Variants in KCNC2 observed in about 807,000 individuals in gnomAD.
The protein encoded by KCNC2 is voltage-gated potassium channel KCNC2.
Under a neutral mutation model 44.5 loss-of-function variants are expected in KCNC2, and 21 were observed. The ratio of observed to expected loss-of-function variants is 0.47; its 90% CI spans 0.33 to 0.68. The LOEUF is 0.68. Ranked by LOEUF, KCNC2 falls within the 30% of genes least tolerant of loss-of-function variation. The pLI is 0.01. For synonymous variants in KCNC2, 391 were observed against 339.1 expected (o/e 1.15, Z -1.68); for missense variants, 589 against 826.2 (o/e 0.71, Z 3.52).
intron 2 of KCNC2, among the ~76,000 whole-genome samples, chr12:75,072,397 A>G (rs1883508721): frequency 6.6e-6 from 1 of 152,190 alleles, no homozygotes; most frequent in South Asian, 2.1e-4. Context: ...TAAAAAAAAT[A>G]CATTGAAAGG....
intron 2 of KCNC2, among the ~76,000 whole-genome samples, chr12:75,166,887 A>G (rs182632426): frequency 6.6e-6 from 1 of 151,398 alleles, no homozygotes; most frequent in Non-Finnish European, 1.5e-5. Flanking sequence ...CCACCCTAAG[A>G]ATTAGGAAAA....
intron 4 of KCNC2, 187 bp from the exon 5 acceptor site, chr12:75,043,428 A>T (rs1880144347): frequency 7.4e-7 from 1 of 1,347,196 alleles, no homozygotes; most frequent in African/African-American, 1.5e-5. Context: ...CATTTTGAAA[A>T]GATTAAACCA....
intron 2 of KCNC2, among the ~76,000 whole-genome samples, chr12:75,153,131 A>G (rs1252664067): frequency 2.0e-5 from 3 of 152,016 alleles, no homozygotes; most frequent in African/African-American, 7.2e-5. Flanking sequence ...TAAACCATAT[A>G]TTGTTTAGGA....
At chr12:75,048,040 A>G in intron 4 of KCNC2, 113 bp downstream of exon 4, 1 of 875,288 alleles carries the variant, frequency 1.1e-6, no homozygotes, top group Non-Finnish European at 1.8e-6. Context: ...GGAAAAGAGC[A>G]CTGTACGCAG....
At chr12:75,150,917 A>T (rs1380195385) in intron 2 of KCNC2, among the ~76,000 whole-genome samples, 1 of 151,978 alleles carries the variant, frequency 6.6e-6, no homozygotes. Flanking sequence ...TTAGAGATAG[A>T]TTCCATTTTC....
At chr12:75,191,699 C>T (rs906677172) in intron 2 of KCNC2, among the ~76,000 whole-genome samples, 5 of 150,594 alleles carry the variant, frequency 3.3e-5, no homozygotes, top group Admixed American at 6.6e-5. Context: ...TACAGGCGCC[C>T]GGCACCGCGC....
rs542092620 is a variant in KCNC2 at position 75,041,363 on chromosome 12, C to A, written c.*1742G>T. The A allele has an allele frequency of 1.4e-6, 2 of 1,444,040 alleles. No homozygotes were observed. Among genetic ancestry groups the A allele is most frequent in the African/African-American group, 1.4e-5 (1 of 70,566 alleles). The allele number at this position is 1,444,040 out of a possible 1,614,324, so 89.5% of individuals were successfully genotyped here. A position where few individuals can be genotyped will look rare whatever the true frequency, so the allele number is the denominator to read the frequency against. On this transcript the variant is annotated 3_prime_UTR_variant, in exon 5 of 5. Transcript: ENST00000549446. Reference sequence around the variant, plus strand: ...GGATAAATACATTGCTGTACAACATCTCCAACATGCAGGTCATGCTCTAGG... The same window carrying A: ...GGATAAATACATTGCTGTACAACATATCCAACATGCAGGTCATGCTCTAGG...
chr12:75,077,486 T>C (rs1884100929), intron 2 of KCNC2, among the ~76,000 whole-genome samples: 3 of 152,204 alleles, frequency 2.0e-5, no homozygotes, highest in African/African-American at 7.2e-5. Context: ...AAAACCATAA[T>C]TGAGAAAAAC....
intron 2 of KCNC2, among the ~76,000 whole-genome samples, chr12:75,073,947 C>T (rs556549727): frequency 6.6e-6 from 1 of 152,322 alleles, no homozygotes; most frequent in South Asian, 2.1e-4. Context: ...TTCCTTCTGT[C>T]AGTTCCACGT....
intron 2 of KCNC2, among the ~76,000 whole-genome samples, chr12:75,076,827 T>C (rs1424120518): frequency 3.3e-5 from 5 of 152,252 alleles, no homozygotes; most frequent in Non-Finnish European, 5.9e-5. Context: ...TCTATACAAA[T>C]ATTTTATAAG....
chr12:75,112,857 A>G (rs567988146), intron 2 of KCNC2, among the ~76,000 whole-genome samples: 2 of 152,244 alleles, frequency 1.3e-5, no homozygotes, highest in South Asian at 4.1e-4. Context: ...TCACCATGCC[A>G]AAACTAAAAA....
At chr12:75,182,932 G>C (rs1327525305) in intron 2 of KCNC2, among the ~76,000 whole-genome samples, 1 of 152,214 alleles carries the variant, frequency 6.6e-6, no homozygotes, top group Non-Finnish European at 1.5e-5. Context: ...ATGCCATGCA[G>C]TGTACTGAGA....
Position 75,133,450 on chromosome 12 carries a change from G to GAA in KCNC2, c.687+73845_687+73846dup, listed in dbSNP as rs111915760. On this transcript the variant is annotated intron_variant, in intron 2 of 4. Coordinates refer to ENST00000549446, the MANE Select transcript of KCNC2 (RefSeq NM_139137.4). Reference sequence around the variant, plus strand: ...AAAAGGAAAACAATACTACAGAACTGAAAAAAAAAACAATTAGCTACCTAT... The same window carrying GAA: ...AAAAGGAAAACAATACTACAGAACTGAAAAAAAAAAAACAATTAGCTACCTAT... Among the ~76,000 whole-genome samples the GAA allele has an allele frequency of 7.7e-4, 111 of 143,806 alleles. 1 individual carries two copies. The East Asian group carries it at 0.015, about 20-fold the overall frequency. The allele number at this position is 143,806 out of a possible 152,430, so 94.3% of individuals were successfully genotyped here.
At chr12:75,043,428 A>G in intron 4 of KCNC2, 187 bp from the exon 5 acceptor site, 1 of 1,347,314 alleles carries the variant, frequency 7.4e-7, no homozygotes, top group Non-Finnish European at 9.6e-7. Context: ...CATTTTGAAA[A>G]GATTAAACCA....
rs1886090392 is a variant in KCNC2, at chr12:75,098,172, C to T, written c.688-46855G>A. Among the ~76,000 whole-genome samples, 5 of 152,130 alleles carry T rather than the reference C, an allele frequency of 3.3e-5. No homozygotes were observed. The South Asian group carries it at 1.0e-3, about 32-fold the overall frequency. On this transcript the variant is annotated intron_variant, in intron 2 of 4. Transcript: ENST00000549446. ...AAGAATAACTTAAGAACATGATTAT[C>T]CTGTGAATATTTTATGTTAAAACAC...
intron 2 of KCNC2, among the ~76,000 whole-genome samples, chr12:75,138,349 A>C (rs1889378949): frequency 6.6e-6 from 1 of 152,338 alleles, no homozygotes; most frequent in African/African-American, 2.4e-5. Context: ...TTAATTAATA[A>C]TACCAGTTGG....
intron 2 of KCNC2, among the ~76,000 whole-genome samples, chr12:75,205,766 C>G (rs1023344339): frequency 6.6e-6 from 1 of 150,974 alleles, no homozygotes; most frequent in Non-Finnish European, 1.5e-5. Context: ...CACAGATGCA[C>G]AGATGTAATG....
At chr12:75,118,073 C>G (rs554677354) in intron 2 of KCNC2, among the ~76,000 whole-genome samples, 45 of 152,272 alleles carry the variant, frequency 3.0e-4, no homozygotes, top group African/African-American at 1.0e-3. Context: ...TAACACAAGG[C>G]CTTCAAAGGT....
At chr12:75,128,014 C>T (rs753083498) in intron 2 of KCNC2, among the ~76,000 whole-genome samples, 1 of 151,650 alleles carries the variant, frequency 6.6e-6, no homozygotes, top group Non-Finnish European at 1.5e-5. Flanking sequence ...ATGAGAATGG[C>T]AATGATAAAG....
Sources: gnomAD v4.1 joint callset for allele counts (sites outside exome capture counted in the v4.1 genomes callset) on GRCh38, gnomAD v4.1.1 for gene constraint, MANE v1.5 for transcripts, NCBI Gene and HGNC (gene_info 2026-07-23, HGNC 2026-07-21) for gene names.